The following CNTN4 variants were observed in gnomAD, a reference collection of about 807,000 sequenced individuals.
CNTN4 encodes contactin-4.
Under a neutral mutation model 122.5 loss-of-function variants are expected in CNTN4, and 77 were observed. The ratio of observed to expected loss-of-function variants is 0.63; its 90% CI spans 0.52 to 0.76. CNTN4 has a LOEUF of 0.76. Ranked by LOEUF, CNTN4 falls within the 30% of genes least tolerant of loss-of-function variation. The pLI is 0.00. For missense variants in CNTN4, 1,256 were observed against 1,259.1 expected (o/e 1.00, Z 0.04); for synonymous variants, 512 against 447.0 (o/e 1.15, Z -1.83).
intron 4 of CNTN4, among the ~76,000 whole-genome samples, chr3:2,585,441 A>C (rs184630572): frequency 2.3e-3 from 355 of 152,184 alleles, no homozygotes; most frequent in African/African-American, 8.2e-3. Flanking sequence ...AACCAACCCA[A>C]ATGTCCATCA....
At position 2,346,197 on chromosome 3, in the gene CNTN4, C is replaced by A. The variant is rs1559472714; in HGVS notation, c.-89+6964C>A. Among the ~76,000 whole-genome samples, 3 of 152,120 alleles carry A rather than the reference C, an allele frequency of 2.0e-5. No homozygotes were observed. In the East Asian group the frequency reaches 5.8e-4, roughly 29 times the overall value. On this transcript the variant is annotated intron_variant, in intron 3 of 24. Coordinates refer to ENST00000418658, the MANE Select transcript of CNTN4 (RefSeq NM_175607.3). Reference sequence around the variant, plus strand: ...CTGGTTTTCTTAATTCCATTAATTTCTTATTATTTCGGACGTTTCACTGTT... The same window carrying A: ...CTGGTTTTCTTAATTCCATTAATTTATTATTATTTCGGACGTTTCACTGTT...
intron 2 of CNTN4, among the ~76,000 whole-genome samples, chr3:2,319,441 C>G (rs1218872451): frequency 3.3e-5 from 5 of 152,094 alleles, no homozygotes; most frequent in Non-Finnish European, 7.4e-5. Flanking sequence ...ACCAAGGGTG[C>G]CTGCCTTTCC....
intron 10 of CNTN4, among the ~76,000 whole-genome samples, chr3:2,893,629 C>A (rs2094070887): frequency 6.6e-6 from 1 of 152,022 alleles, no homozygotes. Flanking sequence ...GGAGTGGAGG[C>A]ATAAAGTCCT....
chr3:2,222,913 T>G (rs1036016830), intron 2 of CNTN4, among the ~76,000 whole-genome samples: 2 of 152,150 alleles, frequency 1.3e-5, no homozygotes, highest in African/African-American at 4.8e-5. Flanking sequence ...CCCCAACCCC[T>G]AAAAGCCACT....
At chr3:2,810,826 A>G (rs1271640589) in intron 6 of CNTN4, among the ~76,000 whole-genome samples, 1 of 152,246 alleles carries the variant, frequency 6.6e-6, no homozygotes, top group Non-Finnish European at 1.5e-5. Flanking sequence ...CCAAAGTAAT[A>G]TCTAAATTGT....
chr3:2,847,339 G>A (rs1350509276), intron 7 of CNTN4, among the ~76,000 whole-genome samples: 5 of 151,868 alleles, frequency 3.3e-5, no homozygotes, highest in African/African-American at 9.7e-5. Context: ...CTCATGAAGA[G>A]GAAAAAAAAG....
At chr3:2,978,614 C>T (rs1382465735) in intron 13 of CNTN4, among the ~76,000 whole-genome samples, 2 of 152,190 alleles carry the variant, frequency 1.3e-5, no homozygotes, top group East Asian at 3.9e-4. Flanking sequence ...GTAGAAAAAG[C>T]AAGCTCATCT....
intron 3 of CNTN4, among the ~76,000 whole-genome samples, chr3:2,515,958 C>T (rs1380214451): frequency 6.6e-6 from 1 of 151,912 alleles, no homozygotes; most frequent in Non-Finnish European, 1.5e-5. Context: ...CAAGTGTACT[C>T]CAAGATGGAT....
At chr3:3,019,765 A>AAT (rs67229453) in intron 14 of CNTN4, among the ~76,000 whole-genome samples, 4,093 of 137,660 alleles carry the variant, frequency 0.03, 60 homozygotes, top group Middle Eastern at 0.035. Flanking sequence ...TGTGTACACA[A>AAT]ATATATATAT....
intron 2 of CNTN4, among the ~76,000 whole-genome samples, chr3:2,268,391 G>A (rs1282856200): frequency 6.6e-6 from 1 of 151,994 alleles, no homozygotes; most frequent in South Asian, 2.1e-4. Flanking sequence ...GAATTATAAC[G>A]AGAGCCTGAA....
At chr3:2,370,334 G>A (rs1460965073) in intron 3 of CNTN4, among the ~76,000 whole-genome samples, 2 of 152,136 alleles carry the variant, frequency 1.3e-5, no homozygotes, top group Non-Finnish European at 2.9e-5. Context: ...ATGTTGAAGA[G>A]AAATGTTTTA....
intron 3 of CNTN4, among the ~76,000 whole-genome samples, chr3:2,435,847 T>C (rs1199228573): frequency 6.6e-6 from 1 of 152,198 alleles, no homozygotes. Context: ...TACTCTTATT[T>C]TCTTCCCACA....
intron 12 of CNTN4, among the ~76,000 whole-genome samples, chr3:2,913,913 A>G (rs991663595): frequency 6.6e-6 from 1 of 152,236 alleles, no homozygotes; most frequent in African/African-American, 2.4e-5. Flanking sequence ...TAGGGTACAA[A>G]TAAGTTTTAA....
At chr3:2,270,031 G>T (rs2041218542) in intron 2 of CNTN4, among the ~76,000 whole-genome samples, 1 of 97,534 alleles carries the variant, frequency 1.0e-5, no homozygotes, top group Non-Finnish European at 2.3e-5. Flanking sequence ...CTCACTGCAA[G>T]CTCCGCTTCC....
chr3:3,006,953 A>C (rs1417215988), intron 14 of CNTN4, among the ~76,000 whole-genome samples: 1 of 151,998 alleles, frequency 6.6e-6, no homozygotes, highest in African/African-American at 2.4e-5. Flanking sequence ...CGCGCCATCA[A>C]CTCCACTACC....
chr3:2,783,651 G>A (rs1463428322), intron 6 of CNTN4, among the ~76,000 whole-genome samples: 1 of 152,190 alleles, frequency 6.6e-6, no homozygotes, highest in Admixed American at 6.5e-5. Flanking sequence ...CAGTATTTTA[G>A]TGGTGAAATG....
intron 3 of CNTN4, among the ~76,000 whole-genome samples, chr3:2,437,521 A>G (rs1032800376): frequency 5.9e-5 from 9 of 152,172 alleles, no homozygotes; most frequent in African/African-American, 1.9e-4. Context: ...ATTTTATTCC[A>G]GAAAACTAGC....
intron 2 of CNTN4, among the ~76,000 whole-genome samples, chr3:2,326,034 G>C (rs1472796530): frequency 7.1e-6 from 1 of 139,904 alleles, no homozygotes; most frequent in East Asian, 3.1e-4. Context: ...GCCACAGAGT[G>C]CCCAAATATT....
intron 3 of CNTN4, among the ~76,000 whole-genome samples, chr3:2,422,043 G>A (rs1003692442): frequency 6.6e-6 from 1 of 152,134 alleles, no homozygotes; most frequent in Non-Finnish European, 1.5e-5. Flanking sequence ...TTATGGATAA[G>A]TTTATCTTTC....
Sources: gnomAD v4.1 joint callset for allele counts (sites outside exome capture counted in the v4.1 genomes callset) on GRCh38, gnomAD v4.1.1 for gene constraint, MANE v1.5 for transcripts, NCBI Gene and HGNC (gene_info 2026-07-23, HGNC 2026-07-21) for gene names.